Variants in CEP192 observed in about 807,000 individuals in gnomAD.
The protein encoded by CEP192 is centrosomal protein 192.
Under a neutral mutation model 271.8 loss-of-function variants are expected in CEP192, and 151 were observed. The ratio of observed to expected loss-of-function variants is 0.56; its 90% CI spans 0.49 to 0.64. CEP192 has a LOEUF of 0.64. Ranked by LOEUF, CEP192 falls within the 30% of genes least tolerant of loss-of-function variation. CEP192 has a pLI of 0.00. For missense variants in CEP192, 2,910 were observed against 3,020.5 expected (o/e 0.96, Z 0.86); for synonymous variants, 995 against 1,076.5 (o/e 0.92, Z 1.48).
At chr18:13,038,275 A>G (rs1598424882) in intron 12 of CEP192, 95 bp from the exon 13 acceptor site, 1 of 1,054,492 alleles carries the variant, frequency 9.5e-7, no homozygotes, top group East Asian at 2.6e-5. Flanking sequence ...TACTTTTTAA[A>G]TTTTCTTGGT....
chr18:13,053,388 G>T (rs747382303), intron 18 of CEP192, among the ~76,000 whole-genome samples: 10 of 152,204 alleles, frequency 6.6e-5, no homozygotes, highest in Non-Finnish European at 1.2e-4. Flanking sequence ...TTGGAAGTCT[G>T]ACTGCCTTTG....
chr18:13,098,998 C>T (rs985480113), intron 36 of CEP192, among the ~76,000 whole-genome samples: 25 of 152,096 alleles, frequency 1.6e-4, no homozygotes, highest in Non-Finnish European at 2.8e-4. Context: ...GCCAACACAG[C>T]GAAACCCCGT....
chr18:13,008,674 A>T, intron 4 of CEP192, 43 bp downstream of exon 4: 3 of 1,363,814 alleles, frequency 2.2e-6, no homozygotes, highest in South Asian at 1.4e-5. Flanking sequence ...ATATGTTTTA[A>T]TTTCCTTTTT....
chr18:13,033,135 C>T (rs1413747002), intron 11 of CEP192, among the ~76,000 whole-genome samples: 1 of 152,122 alleles, frequency 6.6e-6, no homozygotes, highest in Non-Finnish European at 1.5e-5. Flanking sequence ...CACTTCACCT[C>T]TCTATCGTAA....
chr18:13,031,159 A>G (rs2035597955), intron 11 of CEP192, among the ~76,000 whole-genome samples: 1 of 151,506 alleles, frequency 6.6e-6, no homozygotes, highest in Non-Finnish European at 1.5e-5. Context: ...TGAAGATGCT[A>G]TGCTGCAACC....
At chr18:13,116,303 A>G in intron 42 of CEP192, 74 bp from the exon 43 acceptor site, 1 of 1,392,998 alleles carries the variant, frequency 7.2e-7, no homozygotes, top group East Asian at 2.4e-5. Flanking sequence ...ATACTACATA[A>G]TTTTAATATA....
At chr18:13,053,349 G>A (rs866868106) in intron 18 of CEP192, among the ~76,000 whole-genome samples, 3 of 152,180 alleles carry the variant, frequency 2.0e-5, no homozygotes, top group African/African-American at 4.8e-5. Flanking sequence ...CATGCTGCGC[G>A]CATACTATGG....
intron 36 of CEP192, among the ~76,000 whole-genome samples, chr18:13,099,034 G>C (rs1440214977): frequency 4.6e-5 from 7 of 152,098 alleles, no homozygotes; most frequent in Non-Finnish European, 8.8e-5. Flanking sequence ...ACGAAAACCA[G>C]TCAGGCGTGG....
rs1440222028 is a variant in CEP192, at chr18:13,057,540, G to T, written c.4109-45G>T. ...TAACAGATTTGGCTTATAATCAGGGGTTTGCTGTAACTTGCATTTTTGACT... is the reference window on the plus strand; with the variant it reads ...TAACAGATTTGGCTTATAATCAGGGTTTTGCTGTAACTTGCATTTTTGACT... On this transcript the variant is annotated intron_variant, in intron 19 of 44. Transcript: ENST00000506447. 1.9e-6 allele frequency: 3 copies of T among 1,599,316 alleles called. No individual in the cohort carries two copies. The Admixed American group carries it at 5.1e-5, about 27-fold the overall frequency.
intron 30 of CEP192, among the ~76,000 whole-genome samples, chr18:13,083,556 C>T (rs975109503): frequency 2.6e-5 from 4 of 152,242 alleles, no homozygotes; most frequent in East Asian, 1.9e-4. Flanking sequence ...GCGATGGGTT[C>T]GAACATTCTC....
chr18:13,099,645 T>C, intron 37 of CEP192, 64 bp downstream of exon 37: 1 of 770,792 alleles, frequency 1.3e-6, no homozygotes, highest in Non-Finnish European at 2.2e-6. Flanking sequence ...TTCAGTTTTA[T>C]AATCCTTATT....
At chr18:13,042,630 T>C (rs1178799684) in intron 15 of CEP192, among the ~76,000 whole-genome samples, 1 of 152,196 alleles carries the variant, frequency 6.6e-6, no homozygotes, top group African/African-American at 2.4e-5. Flanking sequence ...AGAAACAAGT[T>C]TTTTTGCCGC....
At chr18:13,040,098 C>T (rs1193941471) in intron 13 of CEP192, among the ~76,000 whole-genome samples, 2 of 151,960 alleles carry the variant, frequency 1.3e-5, no homozygotes, top group Non-Finnish European at 2.9e-5. Flanking sequence ...AACTGAATTC[C>T]TTATTAATGG....
intron 34 of CEP192, among the ~76,000 whole-genome samples, chr18:13,094,581 T>A (rs987298946): frequency 5.3e-5 from 8 of 152,188 alleles, no homozygotes. Context: ...TCGTATACTT[T>A]CCCTGCCCCA....
At chr18:13,099,357 C>T in intron 36 of CEP192, 119 bp from the exon 37 acceptor site, 1 of 599,944 alleles carries the variant, frequency 1.7e-6, no homozygotes, top group South Asian at 2.2e-5. Context: ...GCTCTGTTCT[C>T]TGCTCTTCCT....
chr18:12,996,515 A>C (rs562665229), intron 1 of CEP192, among the ~76,000 whole-genome samples: 1 of 152,136 alleles, frequency 6.6e-6, no homozygotes, highest in Non-Finnish European at 1.5e-5. Flanking sequence ...GAAAGGCCCA[A>C]GATGGAGGTG....
chr18:13,122,725 G>A (rs2040727607), intron 44 of CEP192, among the ~76,000 whole-genome samples: 1 of 152,204 alleles, frequency 6.6e-6, no homozygotes, highest in Non-Finnish European at 1.5e-5. Context: ...CTCCCTAGAT[G>A]CATTTCTGCT....
chr18:13,013,918 G>A (rs2034500803), intron 5 of CEP192, among the ~76,000 whole-genome samples: 1 of 152,260 alleles, frequency 6.6e-6, no homozygotes, highest in Admixed American at 6.5e-5. Context: ...CCCTGTGCCA[G>A]CGATTGGCAA....
chr18:13,064,812 T>C (rs2037604341), intron 21 of CEP192, among the ~76,000 whole-genome samples: 1 of 152,304 alleles, frequency 6.6e-6, no homozygotes, highest in East Asian at 1.9e-4. Flanking sequence ...TTGTCTATTC[T>C]AGGTCTTTTG....
Sources: gnomAD v4.1 joint callset for allele counts (sites outside exome capture counted in the v4.1 genomes callset) on GRCh38, gnomAD v4.1.1 for gene constraint, MANE v1.5 for transcripts, NCBI Gene and HGNC (gene_info 2026-07-23, HGNC 2026-07-21) for gene names.